PC: variants seen among roughly 807,000 people sequenced by gnomAD.
PC encodes the protein pyruvate carboxylase, also known as pyruvate carboxylase, mitochondrial.
A neutral mutation model predicts 107.8 loss-of-function variants in PC; 46 were observed. The observed-to-expected ratio is 0.43, with a 90% CI of 0.34 to 0.55. The LOEUF (loss-of-function observed/expected upper bound fraction) is 0.55, where lower values mean the gene tolerates loss of function less well. Among genes scored for constraint, PC ranks in the 20% least tolerant of loss-of-function variants. PC has a pLI of 0.04. For synonymous variants in PC, 662 were observed against 684.7 expected (o/e 0.97, Z 0.52); for missense variants, 1,241 against 1,643.1 (o/e 0.76, Z 4.23).
At position 66,872,082 on chromosome 11, in the gene PC, G is replaced by T. The variant is rs1161512784; in HGVS notation, c.78C>A (p.Ser26=). The T allele has an allele frequency of 3.2e-6, 5 of 1,567,848 alleles. No individual in the cohort carries two copies. Among genetic ancestry groups the T allele is most frequent in the Non-Finnish European group, 4.3e-6 (5 of 1,156,672 alleles). Residue 26 remains serine (S), a synonymous_variant, in exon 4 of 23, where the codon TCC becomes TCA. Transcript: ENST00000393960. ...TATACTCCAGGCGCCGGACATTTGG[G>T]GAGGCAGCGGGGGCGGTGGAGGTTC... is the stretch of plus-strand genomic sequence containing the variant. ...IRRTSTAPAA[S]PNVRRLEYKP... is the part of the protein sequence containing the mutation.
chr11:66,866,643 G>A lies in PC; in HGVS notation c.1023-294C>T, dbSNP rs1334663267. 6.6e-6 allele frequency among the ~76,000 whole-genome samples: 1 copy of A among 152,172 alleles called. No individual in the cohort carries two copies. The highest frequency in any genetic ancestry group is 2.4e-5 in the African/African-American group (1 of 41,444). On this transcript the variant is annotated intron_variant, in intron 10 of 22. Transcript: ENST00000393960. This position sits in a 1 kb window ranked among gnomAD's most constrained non-coding sequence, Gnocchi z 5.4. ...CCTGACTCACGGTGCCGTCCACACA[G>A]CCCTAAGCTGCTCCTCCCTGTACTC...
At position 66,884,523 on chromosome 11, in the gene PC, T is replaced by G. The variant is rs79395828; in HGVS notation, c.1-12364A>C. Among the ~76,000 whole-genome samples, 1,409 of 152,254 alleles carry G rather than the reference T, an allele frequency of 9.3e-3. 26 individuals are homozygous for G. Among genetic ancestry groups the G allele is most frequent in the African/African-American group, 0.031 (1,304 of 41,530 alleles). On this transcript the variant is annotated intron_variant, in intron 3 of 22. Coordinates refer to ENST00000393960, the MANE Select transcript of PC (RefSeq NM_001040716.2). The stretch of plus-strand genomic sequence containing the variant: ...CCTCCTGGGAACAGCACACACACAC[T>G]AGTGGGACACACAAATGTCCCATAC...
At chr11:66,902,940 C>T (rs1455315789) in intron 3 of PC, among the ~76,000 whole-genome samples, 1 of 152,236 alleles carries the variant, frequency 6.6e-6, no homozygotes, top group Non-Finnish European at 1.5e-5. Flanking sequence ...AGCACAGCGG[C>T]TGCGGCAAGC....
At chr11:66,943,751 G>A (rs1191189579) in intron 3 of PC, among the ~76,000 whole-genome samples, 2 of 82,260 alleles carry the variant, frequency 2.4e-5, no homozygotes, top group Non-Finnish European at 4.3e-5. Flanking sequence ...GCAAGACTCC[G>A]GCTCAAAAAA....
At chr11:66,867,540 G>A (rs1490078183) in intron 10 of PC, among the ~76,000 whole-genome samples, 1 of 152,012 alleles carries the variant, frequency 6.6e-6, no homozygotes. Flanking sequence ...CACAGGCCAG[G>A]CTGCACTCCT....
In PC at chr11:66,853,316, T is replaced by A. The variant is rs777471099; in HGVS notation, c.1436A>T (p.Gln479Leu). 2.5e-6 allele frequency: 4 copies of A among 1,613,988 alleles called. No individual in the cohort carries two copies. The highest frequency in any genetic ancestry group is 3.4e-6 in the Non-Finnish European group (4 of 1,179,974). The change falls in exon 13 of 23, where the codon CAG becomes CTG. Residue 479 changes from glutamine to leucine, a missense_variant. Transcript: ENST00000393960. ...QQFLAGTVDT[Q>L]FIDENPELFQ... ...CAGCTCTGGGTTCTCGTCGATGAAC[T>A]GGGTGTCCACAGTGCCTGCCAGGAA...
chr11:66,849,031 CT>C lies in PC; in HGVS notation c.3404del (p.Gln1135ArgfsTer9), dbSNP rs1945308070. On this transcript the variant is annotated frameshift_variant, in exon 23 of 23. Coordinates refer to ENST00000393960, the MANE Select transcript of PC (RefSeq NM_001040716.2). LOFTEE classifies it high-confidence loss of function. ...TCATGGCACTGAGCACACACAGGGG[CT>C]GGCCCTTGGCCACCTTGGCCCCTGC... ...VVAGAKVAKGQPLCVLSAMKM... is the reference protein window; with the variant it reads ...VVAGAKVAKGXPLCVLSAMKM... The C allele has an allele frequency of 1.2e-6, 2 of 1,613,990 alleles. No homozygotes were observed. The highest frequency in any genetic ancestry group is 1.7e-6 in the Non-Finnish European group (2 of 1,180,050).
intron 3 of PC, among the ~76,000 whole-genome samples, chr11:66,906,120 A>G (rs1948156157): frequency 6.6e-6 from 1 of 152,178 alleles, no homozygotes; most frequent in Non-Finnish European, 1.5e-5. Flanking sequence ...CAAAGCAGAC[A>G]ATGACCCAGT....
chr11:66,936,827 A>C (rs1218102933), intron 3 of PC, among the ~76,000 whole-genome samples: 7 of 152,042 alleles, frequency 4.6e-5, no homozygotes, highest in Non-Finnish European at 1.5e-5. Flanking sequence ...AACTCTATAA[A>C]AGATAGGTCT....
At chr11:66,920,935 G>T (rs546289373) in intron 3 of PC, among the ~76,000 whole-genome samples, 4 of 152,210 alleles carry the variant, frequency 2.6e-5, no homozygotes, top group African/African-American at 9.6e-5. Context: ...CCACTCAGGA[G>T]GCTGAGACAG....
intron 3 of PC, among the ~76,000 whole-genome samples, chr11:66,943,484 A>G (rs1949199272): frequency 6.6e-6 from 1 of 151,958 alleles, no homozygotes; most frequent in African/African-American, 2.4e-5. Context: ...CACGCCTGTA[A>G]TCCCAACACT....
rs1591117575 is a variant in PC, at chr11:66,850,841, T to A, written c.2306A>T (p.His769Leu). 4 of 1,612,154 alleles carry A rather than the reference T, an allele frequency of 2.5e-6. No homozygotes were observed. The highest frequency in any genetic ancestry group is 3.4e-6 in the Non-Finnish European group (4 of 1,179,982). Residue 769 changes from histidine to leucine, a missense_variant, in exon 18 of 23, where the codon CAC becomes CTC. By Grantham distance (99) the His-to-Leu change is moderately conservative. Transcript: ENST00000393960. ...CCCTGACGTGTCGTGGGTGTGGATG[T>A]GCAGTGGGAGGTCGGGGAAGCGGTC... The part of the protein sequence containing the change: ...LRDRFPDLPL[H>L]IHTHDTSGAG...
intron 12 of PC, among the ~76,000 whole-genome samples, chr11:66,856,210 C>T (rs935854291): frequency 6.6e-6 from 1 of 152,268 alleles, no homozygotes; most frequent in Non-Finnish European, 1.5e-5. Context: ...GGAAATGGCC[C>T]GGCGGCGACA....
chr11:66,856,084 C>G (rs1406014137), intron 12 of PC, among the ~76,000 whole-genome samples: 1 of 152,188 alleles, frequency 6.6e-6, no homozygotes, highest in Non-Finnish European at 1.5e-5. Context: ...GGAAGGAAAC[C>G]AGGCTCGCCG....
chr11:66,923,076 C>T (rs1477370185), intron 3 of PC, among the ~76,000 whole-genome samples: 3 of 152,120 alleles, frequency 2.0e-5, no homozygotes, highest in Non-Finnish European at 4.4e-5. Context: ...GGCAAGAAGT[C>T]GGGCTAGGCA....
chr11:66,878,538 C>T (rs1336971361), intron 3 of PC, among the ~76,000 whole-genome samples: 1 of 152,188 alleles, frequency 6.6e-6, no homozygotes. Context: ...TGTTGCCGCC[C>T]CCTCGGCGGC....
intron 3 of PC, among the ~76,000 whole-genome samples, chr11:66,932,561 T>C (rs760465447): frequency 6.6e-6 from 1 of 152,176 alleles, no homozygotes; most frequent in Non-Finnish European, 1.5e-5. Flanking sequence ...GTGGCCGAAA[T>C]GTCCTTTCGG....
At chr11:66,928,364 CGACAGAGTGAGACT>C (rs1565292613) in intron 3 of PC, among the ~76,000 whole-genome samples, 4 of 135,282 alleles carry the variant, frequency 3.0e-5, no homozygotes, top group African/African-American at 1.1e-4. Context: ...CCAGCCTGGG[CGACAGAGTGAGACT>C]CCATCTCAAA....
chr11:66,881,292 C>T (rs1947180758), intron 3 of PC, among the ~76,000 whole-genome samples: 1 of 152,182 alleles, frequency 6.6e-6, no homozygotes, highest in South Asian at 2.1e-4. Flanking sequence ...GCATAAGAGA[C>T]CAAGAAATAA....
Sources: allele counts gnomAD v4.1 joint callset (sites outside exome capture counted in the v4.1 genomes callset), GRCh38; gene constraint gnomAD v4.1.1; non-coding constraint Gnocchi (gnomAD v3.1); transcripts MANE v1.5; gene names NCBI Gene and HGNC (gene_info 2026-07-23, HGNC 2026-07-21).